ANKRD44: variants seen among roughly 807,000 people sequenced by gnomAD.
ANKRD44 encodes ankyrin repeat domain 44, also known as serine/threonine-protein phosphatase 6 regulatory ankyrin repeat subunit B.
A neutral mutation model predicts 116.0 loss-of-function variants in ANKRD44; 35 were observed. The observed-to-expected ratio is 0.30, with a 90% CI of 0.23 to 0.40. ANKRD44 has a LOEUF of 0.40. Among genes scored for constraint, ANKRD44 ranks in the 10% least tolerant of loss-of-function variants. The probability of loss-of-function intolerance (pLI) is 1.00; values close to 1 mark genes in which losing one functional copy is unlikely to be tolerated. For missense variants in ANKRD44, 1,014 were observed against 1,242.6 expected, an observed-to-expected ratio of 0.82 and a Z score of 2.77; for synonymous variants, 435 against 461.8, an observed-to-expected ratio of 0.94 and a Z score of 0.74.
chr2:197,286,200 T>C lies in ANKRD44; in HGVS notation c.27+24378A>G, dbSNP rs545426186. Reference sequence around the variant, plus strand: ...AAAAGATTCCAGTCCCACTCTGCAATAAAACTGAGCATATTTCTATTTAAA... The same window carrying C: ...AAAAGATTCCAGTCCCACTCTGCAACAAAACTGAGCATATTTCTATTTAAA... On this transcript the variant is annotated intron_variant, in intron 1 of 27. Coordinates refer to ENST00000282272, the MANE Select transcript of ANKRD44 (RefSeq NM_001195144.2). Among the ~76,000 whole-genome samples the C allele has an allele frequency of 7.4e-4, 113 of 152,300 alleles. 1 individual carries two copies. Among genetic ancestry groups the C allele is most frequent in the African/African-American group, 2.5e-3 (102 of 41,570 alleles).
At chr2:197,214,651 A>G (rs1395464499) in intron 1 of ANKRD44, among the ~76,000 whole-genome samples, 2 of 152,226 alleles carry the variant, frequency 1.3e-5, no homozygotes, top group East Asian at 1.9e-4. Context: ...GTTGGGAAAG[A>G]AAAGAAATGC....
intron 1 of ANKRD44, among the ~76,000 whole-genome samples, chr2:197,242,699 G>T (rs2082114458): frequency 1.3e-5 from 2 of 152,172 alleles, no homozygotes; most frequent in African/African-American, 4.8e-5. Flanking sequence ...GTCAAGAATG[G>T]TTAACAGGAC....
chr2:197,290,878 TC>T (rs2083547689), intron 1 of ANKRD44, among the ~76,000 whole-genome samples: 1 of 151,998 alleles, frequency 6.6e-6, no homozygotes, highest in African/African-American at 2.4e-5. Flanking sequence ...AGTGGTGAGA[TC>T]TCAGCTCACT....
chr2:197,027,903 T>A (rs2124860638), intron 16 of ANKRD44, among the ~76,000 whole-genome samples: 2 of 152,066 alleles, frequency 1.3e-5, no homozygotes, highest in South Asian at 4.2e-4. Context: ...TTTCCCAGGC[T>A]GGTCTCAAAC....
intron 21 of ANKRD44, 100 bp from the exon 22 acceptor site, chr2:197,001,940 T>C: frequency 1.2e-6 from 1 of 805,732 alleles, no homozygotes; most frequent in Non-Finnish European, 2.0e-6. Flanking sequence ...TTTATGAATT[T>C]TCCTGAATTG....
chr2:197,235,614 TAAA>T (rs5837532), intron 1 of ANKRD44, among the ~76,000 whole-genome samples: 3 of 100,916 alleles, frequency 3.0e-5, no homozygotes, highest in African/African-American at 3.8e-5. Context: ...AGACTCTGTC[TAAA>T]AAAAAAAAAA....
At chr2:197,114,582 A>G (rs1275802294) in intron 8 of ANKRD44, among the ~76,000 whole-genome samples, 1 of 152,106 alleles carries the variant, frequency 6.6e-6, no homozygotes, top group Non-Finnish European at 1.5e-5. Context: ...TTTATTCCTA[A>G]TGCCTTCTTT....
chr2:197,275,567 T>TG (rs1024625671), intron 1 of ANKRD44, among the ~76,000 whole-genome samples: 11 of 151,974 alleles, frequency 7.2e-5, no homozygotes, highest in South Asian at 6.2e-4. Flanking sequence ...AGCACCATGT[T>TG]GGGGGGGTGG....
exon 22 of ANKRD44, chr2:196,967,021 A>G (rs1483031952): frequency 6.5e-6 from 1 of 153,614 alleles, no homozygotes; most frequent in African/African-American, 2.4e-5. Context: ...TACTTGTTAT[A>G]GCATCCAGAG....
At chr2:197,002,657 G>T (rs1212308540) in intron 21 of ANKRD44, among the ~76,000 whole-genome samples, 1 of 152,196 alleles carries the variant, frequency 6.6e-6, no homozygotes, top group African/African-American at 2.4e-5. Flanking sequence ...AGATCTTGCT[G>T]CCTGGTATTG....
chr2:197,097,844 G>C (rs1013092386), intron 10 of ANKRD44, among the ~76,000 whole-genome samples: 1 of 152,200 alleles, frequency 6.6e-6, no homozygotes, highest in African/African-American at 2.4e-5. Context: ...ACTCAGAGTG[G>C]AATGTAATTC....
intron 16 of ANKRD44, among the ~76,000 whole-genome samples, chr2:197,049,041 T>C (rs1447800755): frequency 6.6e-6 from 1 of 152,246 alleles, no homozygotes; most frequent in Non-Finnish European, 1.5e-5. Context: ...TTTTTTTTCT[T>C]GCAAATCTGT....
intron 1 of ANKRD44, among the ~76,000 whole-genome samples, chr2:197,219,281 G>A (rs764730979): frequency 3.4e-4 from 51 of 152,052 alleles, no homozygotes; most frequent in Non-Finnish European, 4.6e-4. Flanking sequence ...TGTTGGCCAG[G>A]ATGGTCTTGA....
At chr2:197,013,017 G>A (rs1310711366) in intron 18 of ANKRD44, among the ~76,000 whole-genome samples, 3 of 152,164 alleles carry the variant, frequency 2.0e-5, no homozygotes, top group Non-Finnish European at 4.4e-5. Flanking sequence ...AAAGCGTCTT[G>A]ATTTTTACAT....
chr2:197,096,280 A>G, intron 10 of ANKRD44, among the ~76,000 whole-genome samples: 1 of 152,244 alleles, frequency 6.6e-6, no homozygotes. Flanking sequence ...GGTACCACTT[A>G]GGCCCTCAAC....
At chr2:197,265,282 T>G (rs2082713409) in intron 1 of ANKRD44, among the ~76,000 whole-genome samples, 1 of 151,556 alleles carries the variant, frequency 6.6e-6, no homozygotes, top group Non-Finnish European at 1.5e-5. Flanking sequence ...AGTCTTCCTC[T>G]GTCAGCCAGG....
At chr2:196,998,834 C>A in intron 24 of ANKRD44, 73 bp downstream of exon 24, 1 of 1,576,650 alleles carries the variant, frequency 6.3e-7, no homozygotes, top group Non-Finnish European at 8.6e-7. Context: ...ATGAGAACAA[C>A]TGATTTCTTG....
At chr2:197,194,851 G>A (rs888523345) in intron 1 of ANKRD44, among the ~76,000 whole-genome samples, 2 of 152,158 alleles carry the variant, frequency 1.3e-5, no homozygotes, top group Non-Finnish European at 1.5e-5. Flanking sequence ...AGGGGGCTCC[G>A]CATGGGTCTG....
intron 2 of ANKRD44, among the ~76,000 whole-genome samples, chr2:197,168,741 T>G (rs2080158561): frequency 6.6e-6 from 1 of 152,162 alleles, no homozygotes; most frequent in African/African-American, 2.4e-5. Flanking sequence ...TCCTGAGTGG[T>G]CTACCTTCAT....
Sources: gnomAD v4.1 joint callset for allele counts (sites outside exome capture counted in the v4.1 genomes callset) on GRCh38, gnomAD v4.1.1 for gene constraint, MANE v1.5 for transcripts, NCBI Gene and HGNC (gene_info 2026-07-23, HGNC 2026-07-21) for gene names.